Variants in ANK2 observed in about 807,000 individuals in gnomAD.
ANK2 encodes ankyrin-2.
A neutral mutation model predicts 360.5 loss-of-function variants in ANK2; 83 were observed. That is an observed-to-expected ratio of 0.23 (90% CI 0.19 to 0.28). The LOEUF (loss-of-function observed/expected upper bound fraction) is 0.28, where lower values mean the gene tolerates loss of function less well. ANK2 is among the 10% of genes least tolerant of loss of function. The probability of loss-of-function intolerance (pLI) is 1.00; values close to 1 mark genes in which losing one functional copy is unlikely to be tolerated. For synonymous variants in ANK2, 1,740 were observed against 1,759.5 expected (o/e 0.99, Z 0.28); for missense variants, 4,201 against 4,795.7 (o/e 0.88, Z 3.66).
chr4:113,264,276 A>C (rs2054660100), intron 13 of ANK2, among the ~76,000 whole-genome samples: 1 of 152,222 alleles, frequency 6.6e-6, no homozygotes, highest in Non-Finnish European at 1.5e-5. Flanking sequence ...TTATGGTATA[A>C]GTGGTATTAA....
intron 2 of ANK2, among the ~76,000 whole-genome samples, chr4:113,195,543 G>A (rs2098735243): frequency 6.6e-6 from 1 of 151,972 alleles, no homozygotes; most frequent in South Asian, 2.1e-4. Context: ...ATTTCAATTT[G>A]CATGTGAAAA....
At chr4:113,258,018 G>A (rs763640159) in intron 11 of ANK2, 32 bp from the exon 12 acceptor site, 1 of 1,578,472 alleles carries the variant, frequency 6.3e-7, no homozygotes, top group East Asian at 2.2e-5. Flanking sequence ...GTTTCTGCAT[G>A]TTTTCAACTA....
At chr4:113,210,354 G>A (rs1261807599) in intron 4 of ANK2, among the ~76,000 whole-genome samples, 1 of 152,116 alleles carries the variant, frequency 6.6e-6, no homozygotes, top group Non-Finnish European at 1.5e-5. Context: ...AAAATTTGAG[G>A]CATATGTCAA....
the ANK2 span, among the ~76,000 whole-genome samples, chr4:112,724,556 TACACACACACACACAC>T: frequency 7.1e-5 from 10 of 141,664 alleles, no homozygotes; most frequent in East Asian, 2.0e-3. Context: ...CACACACACA[TACACACACACACACAC>T]ACACACACAC....
intron 45 of ANK2, among the ~76,000 whole-genome samples, chr4:113,373,998 C>T (rs1004897550): frequency 1.3e-5 from 2 of 152,220 alleles, no homozygotes; most frequent in Admixed American, 6.5e-5. Flanking sequence ...GATCTGAGCT[C>T]ACTGCAACCT....
rs2097182292 is a variant in ANK2, at chr4:113,382,100, TA to T, written c.*633del. The T allele has an allele frequency of 4.1e-5, 7 of 170,832 alleles. No individual in the cohort carries two copies. The South Asian group carries it at 9.9e-4, about 24-fold the overall frequency. The allele number at this position is 170,832 out of a possible 1,614,324, so 10.6% of individuals were successfully genotyped here. A position where few individuals can be genotyped will look rare whatever the true frequency, so the allele number is the denominator to read the frequency against. On this transcript the variant is annotated 3_prime_UTR_variant, in exon 46 of 46. Coordinates refer to ENST00000357077, the MANE Select transcript of ANK2 (RefSeq NM_001148.6). Reference sequence around the variant, plus strand: ...ATTGTAACTACACTGGGCATCAGAATAAAAGGCCTCTAGAAATTGCTGAACA... The same window carrying T: ...ATTGTAACTACACTGGGCATCAGAATAAAGGCCTCTAGAAATTGCTGAACA...
At chr4:113,285,351 C>A (rs1386961633) in intron 18 of ANK2, among the ~76,000 whole-genome samples, 1 of 152,102 alleles carries the variant, frequency 6.6e-6, no homozygotes, top group Admixed American at 6.5e-5. Context: ...GTTGAGGGCT[C>A]AGTCCCCAAG....
chr4:112,917,493 G>A (rs904172594), intron 2 of ANK2, among the ~76,000 whole-genome samples: 2 of 152,042 alleles, frequency 1.3e-5, no homozygotes, highest in Admixed American at 6.5e-5. Context: ...AAGAAAAAAA[G>A]TGGAGCTCAG....
the ANK2 span, among the ~76,000 whole-genome samples, chr4:112,812,981 T>C: frequency 6.6e-6 from 1 of 152,288 alleles, no homozygotes; most frequent in East Asian, 1.9e-4. Context: ...GGCTCATACC[T>C]GTAATCTCAG....
the ANK2 span, among the ~76,000 whole-genome samples, chr4:112,730,869 G>A: frequency 5.9e-5 from 9 of 151,336 alleles, no homozygotes; most frequent in Non-Finnish European, 1.2e-4. Flanking sequence ...GAGCAGGCGC[G>A]GTGGCTACGC....
chr4:113,162,115 G>T (rs768034037), intron 1 of ANK2, among the ~76,000 whole-genome samples: 2 of 152,058 alleles, frequency 1.3e-5, no homozygotes, highest in African/African-American at 2.4e-5. Flanking sequence ...TTTATTGAAA[G>T]TGTCACTTAT....
chr4:113,353,530 A>T lies in ANK2; in HGVS notation c.4912A>T (p.Asn1638Tyr), dbSNP rs748573794. The change falls in exon 38 of 46, where the codon AAC (asparagine) becomes TAC (tyrosine). Residue 1638 changes from asparagine (N) to tyrosine (Y), a missense_variant. This residue lies in a region of ANK2 where 1,268 missense variants were observed against 1,650.8 expected (regional missense o/e 0.77). Coordinates refer to ENST00000357077, the MANE Select transcript of ANK2 (RefSeq NM_001148.6). ...AGAGAAAGACTCAACTGGGCTAGTG[A>T]ACTACCTTACTGATGATCTGAATAC... is the stretch of plus-strand genomic sequence containing the variant. ...KVEKDSTGLV[N>Y]YLTDDLNTCV... The T allele has an allele frequency of 1.9e-6, 3 of 1,614,066 alleles. No individual in the cohort carries two copies. The highest frequency in any genetic ancestry group is 2.2e-5 in the South Asian group (2 of 91,084).
At position 112,831,252 on chromosome 4, in the gene ANK2, C is replaced by T. The variant is rs556516596; in HGVS notation, c.-40+12988C>T. Reference sequence around the variant, plus strand: ...CGGCCCTGGTGCAGGATCCACTAGGCGAAGCAAGCTGGGCTCCTGAGTCGG... The same window carrying T: ...CGGCCCTGGTGCAGGATCCACTAGGTGAAGCAAGCTGGGCTCCTGAGTCGG... On this transcript the variant is annotated intron_variant, in intron 1 of 30. Coordinates refer to the ANK2 transcript ENST00000503271. 6.3e-3 allele frequency among the ~76,000 whole-genome samples: 957 copies of T among 152,348 alleles called. 11 individuals carry two copies. Among genetic ancestry groups the T allele is most frequent in the African/African-American group, 0.022 (905 of 41,582 alleles).
At chr4:113,234,452 T>C (rs946310456) in intron 5 of ANK2, among the ~76,000 whole-genome samples, 2 of 152,208 alleles carry the variant, frequency 1.3e-5, no homozygotes, top group Non-Finnish European at 2.9e-5. Context: ...TAAGCTTAAT[T>C]GATTAAACTC....
At chr4:113,097,910 G>A (rs868831448) in intron 1 of ANK2, among the ~76,000 whole-genome samples, 33 of 139,878 alleles carry the variant, frequency 2.4e-4, no homozygotes, top group African/African-American at 4.2e-4. Context: ...ACATATATAT[G>A]TATATATACA....
intron 2 of ANK2, among the ~76,000 whole-genome samples, chr4:112,931,433 C>CTTTTTTTTTTT (rs59802557): frequency 5.9e-5 from 5 of 85,260 alleles, no homozygotes; most frequent in Non-Finnish European, 1.1e-4. Flanking sequence ...TCTTTCTTTT[C>CTTTTTTTTTTT]TTTTTTTTTT....
chr4:113,200,262 G>A lies in ANK2; in HGVS notation c.384+1153G>A, dbSNP rs369546701. 2.0e-5 allele frequency among the ~76,000 whole-genome samples: 3 copies of A among 152,274 alleles called. No homozygotes were observed. The East Asian group carries it at 5.8e-4, about 29-fold the overall frequency. On this transcript the variant is annotated intron_variant, in intron 4 of 45. Transcript: ENST00000357077. ...TTGGTACCATCTGTAAAGAACATCT[G>A]TATATTTTATAAAGTATAACAGCAT... is the stretch of plus-strand genomic sequence containing the variant.
Position 113,302,851 on chromosome 4 carries a change from A to G in ANK2, c.2548+12A>G, listed in dbSNP as rs1289081642. 1.9e-6 allele frequency: 3 copies of G among 1,605,414 alleles called. No homozygotes were observed. The highest frequency in any genetic ancestry group is 2.6e-6 in the Non-Finnish European group (3 of 1,172,084). On this transcript the variant is annotated intron_variant, in intron 23 of 45. Transcript: ENST00000357077. ...TTCTGATGAAGAGGGTAAGACTTCTATTCAATCTTCTATGACACCTGTCAT... is the reference window on the plus strand; with the variant it reads ...TTCTGATGAAGAGGGTAAGACTTCTGTTCAATCTTCTATGACACCTGTCAT...
At chr4:112,841,995 A>G (rs917412334) in intron 1 of ANK2, among the ~76,000 whole-genome samples, 3 of 152,030 alleles carry the variant, frequency 2.0e-5, no homozygotes, top group Admixed American at 6.6e-5. Context: ...CTTCACCCAA[A>G]ATTATTTTCT....
Sources: allele counts gnomAD v4.1 joint callset (sites outside exome capture counted in the v4.1 genomes callset), GRCh38; gene constraint gnomAD v4.1.1; regional missense constraint gnomAD v4.1.1; transcripts MANE v1.5; gene names NCBI Gene and HGNC (gene_info 2026-07-23, HGNC 2026-07-21).